MYO6: variants seen among roughly 807,000 people sequenced by gnomAD.
The protein encoded by MYO6 is unconventional myosin-VI.
In MYO6, 74 loss-of-function variants were observed where a neutral mutation model predicts 178.7. The observed-to-expected ratio is 0.41, with a 90% CI of 0.34 to 0.50. The LOEUF (loss-of-function observed/expected upper bound fraction) is 0.50. Among genes scored for constraint, MYO6 ranks in the 20% least tolerant of loss-of-function variants. The pLI, the probability that MYO6 is intolerant of heterozygous loss-of-function variation, is 0.09. For synonymous variants in MYO6, 477 were observed against 504.6 expected (o/e 0.95, Z 0.73); for missense variants, 1,330 against 1,547.4 (o/e 0.86, Z 2.36).
In MYO6 at chr6:75,862,638, A is replaced by T. The variant is rs373929865; in HGVS notation, c.1589A>T (p.Asp530Val). Residue 530 changes from aspartate (D) to valine (V), a missense_variant, in exon 16 of 35, where the codon GAT (aspartate) becomes GTT (valine). Coordinates refer to ENST00000369977, the MANE Select transcript of MYO6 (RefSeq NM_004999.4). ...TTAGTGGGAATACTGGATATTTTGG[A>T]TGAAGAAAATCGCCTTCCCCAGCCA... ...AKLVGILDIL[D>V]EENRLPQPSD... 151 of 1,613,812 alleles carry T rather than the reference A, an allele frequency of 9.4e-5. No individual in the cohort carries two copies. Among genetic ancestry groups the T allele is most frequent in the Non-Finnish European group, 1.1e-4 (133 of 1,179,850 alleles).
At chr6:75,854,270 CATTGCTT>C (rs1775539625) in intron 11 of MYO6, among the ~76,000 whole-genome samples, 1 of 114,076 alleles carries the variant, frequency 8.8e-6, no homozygotes, top group African/African-American at 3.6e-5. Flanking sequence ...GACCTAACTG[CATTGCTT>C]TTTTTTTTTT....
intron 2 of MYO6, among the ~76,000 whole-genome samples, chr6:75,819,623 A>C (rs1771673720): frequency 6.6e-6 from 1 of 152,214 alleles, no homozygotes; most frequent in South Asian, 2.1e-4. Flanking sequence ...ATTTATAAGA[A>C]ATAAATTTTA....
chr6:75,784,990 C>T (rs1311817650), intron 1 of MYO6, among the ~76,000 whole-genome samples: 2 of 152,102 alleles, frequency 1.3e-5, no homozygotes, highest in African/African-American at 4.8e-5. Flanking sequence ...ATTCAGTGCA[C>T]ACTTTCATTT....
At chr6:75,816,402 A>G (rs1226049906) in intron 1 of MYO6, among the ~76,000 whole-genome samples, 2 of 152,176 alleles carry the variant, frequency 1.3e-5, no homozygotes, top group African/African-American at 4.8e-5. Context: ...GTCACCCAGA[A>G]TGGATTGCAG....
intron 1 of MYO6, among the ~76,000 whole-genome samples, chr6:75,753,010 T>A (rs1436625596): frequency 6.6e-6 from 1 of 152,192 alleles, no homozygotes; most frequent in Non-Finnish European, 1.5e-5. Context: ...TAGATTATGA[T>A]TAAATTGTCA....
Position 75,886,125 on chromosome 6 carries a change from A to C in MYO6, c.2507+31A>C, listed in dbSNP as rs774886844. On this transcript the variant is annotated intron_variant, in intron 24 of 34. Transcript: ENST00000369977. ...ATGAATAGTTCCTAAAAAGAACTCT[A>C]CAAAACCTAGTTACTGTAATACAAA... 11 of 1,424,038 alleles carry C rather than the reference A, an allele frequency of 7.7e-6. No homozygotes were observed. The East Asian group carries it at 2.3e-4, about 30-fold the overall frequency. The allele number at this position is 1,424,038 out of a possible 1,614,324, so 88.2% of individuals were successfully genotyped here.
intron 11 of MYO6, among the ~76,000 whole-genome samples, chr6:75,853,801 G>T (rs1775497217): frequency 6.6e-6 from 1 of 152,002 alleles, no homozygotes; most frequent in African/African-American, 2.4e-5. Context: ...TTTGTAAAAT[G>T]CTATTTTTTA....
intron 1 of MYO6, among the ~76,000 whole-genome samples, chr6:75,801,327 C>T (rs904339832): frequency 3.3e-5 from 5 of 149,680 alleles, no homozygotes; most frequent in East Asian, 4.0e-4. Flanking sequence ...AAGAGAGGGA[C>T]GAGAGGAGAG....
At chr6:75,891,127 AATC>A (rs1778871233) in intron 26 of MYO6, 98 bp from the exon 27 acceptor site, 3 of 756,600 alleles carry the variant, frequency 4.0e-6, no homozygotes, top group Non-Finnish European at 6.5e-6. Flanking sequence ...TTGCATTCCC[AATC>A]TGTTACCTTT....
intron 1 of MYO6, among the ~76,000 whole-genome samples, chr6:75,799,666 G>A (rs986527068): frequency 6.6e-6 from 1 of 152,086 alleles, no homozygotes. Flanking sequence ...GTAGCCTAGA[G>A]TTTGAACCTT....
At chr6:75,912,253 C>T (rs1780812162) in intron 33 of MYO6, among the ~76,000 whole-genome samples, 1 of 151,950 alleles carries the variant, frequency 6.6e-6, no homozygotes. Context: ...CCTTAGTGCA[C>T]AGTAAATCTC....
rs564898525 is a variant in MYO6 at position 75,846,189 on chromosome 6, T to A, written c.897+1212T>A. On this transcript the variant is annotated intron_variant, in intron 10 of 34. Transcript: ENST00000369977. ...AACCCTTATAAATTTTAATATGCAG[T>A]GTTTAATAAGTGATATTAAGTTACA... Among the ~76,000 whole-genome samples, 38 of 152,070 alleles carry A rather than the reference T, an allele frequency of 2.5e-4. No homozygotes were observed. In the East Asian group the frequency reaches 6.4e-3, roughly 25 times the overall value.
chr6:75,802,802 C>A (rs889928574), intron 1 of MYO6, among the ~76,000 whole-genome samples: 7 of 152,074 alleles, frequency 4.6e-5, no homozygotes, highest in Admixed American at 4.6e-4. Context: ...ATCTCTTAAA[C>A]CTAGCACAAA....
At chr6:75,895,292 A>C (rs1779208821) in intron 29 of MYO6, 32 bp downstream of exon 29, 1 of 1,563,470 alleles carries the variant, frequency 6.4e-7, no homozygotes, top group Non-Finnish European at 8.8e-7. Flanking sequence ...TTTTAAAAAT[A>C]GGTTGTAGAT....
At chr6:75,884,313 A>G (rs1447795359) in intron 23 of MYO6, among the ~76,000 whole-genome samples, 4 of 152,230 alleles carry the variant, frequency 2.6e-5, no homozygotes, top group Non-Finnish European at 5.9e-5. Context: ...GAACCTCCAT[A>G]CAGAAGTATA....
intron 1 of MYO6, among the ~76,000 whole-genome samples, chr6:75,793,900 C>T (rs1478363150): frequency 6.6e-6 from 1 of 152,166 alleles, no homozygotes; most frequent in Non-Finnish European, 1.5e-5. Context: ...AGTCATAGGT[C>T]TCCATGTACT....
rs3057486 is a variant in MYO6 at position 75,761,592 on chromosome 6, A to AACACACACACAC, written c.-48+12193_-48+12204dup. 2.5e-3 allele frequency among the ~76,000 whole-genome samples: 361 copies of AACACACACACAC among 143,042 alleles called. 3 individuals are homozygous for AACACACACACAC. Among genetic ancestry groups the AACACACACACAC allele is most frequent in the African/African-American group, 5.9e-3 (226 of 38,614 alleles). The allele number at this position is 143,042 out of a possible 152,430, so 93.8% of individuals were successfully genotyped here. ...AGTATGTTAGAAAATGGGCTGTTAG[A>AACACACACACAC]ACACACACACACACACACACACACA... On this transcript the variant is annotated intron_variant, in intron 1 of 34. Transcript: ENST00000369977.
intron 1 of MYO6, among the ~76,000 whole-genome samples, chr6:75,766,906 A>C (rs1266116823): frequency 2.6e-5 from 4 of 152,200 alleles, no homozygotes; most frequent in African/African-American, 9.6e-5. Context: ...CAATAATTTG[A>C]AAATTTGAAA....
chr6:75,863,516 G>C (rs577826775), intron 16 of MYO6, among the ~76,000 whole-genome samples: 2 of 151,414 alleles, frequency 1.3e-5, no homozygotes, highest in Admixed American at 6.6e-5. Flanking sequence ...ACAGAGTTTC[G>C]CTATTGTCAC....
Sources: allele counts gnomAD v4.1 joint callset (sites outside exome capture counted in the v4.1 genomes callset), GRCh38; gene constraint gnomAD v4.1.1; transcripts MANE v1.5; gene names NCBI Gene and HGNC (gene_info 2026-07-23, HGNC 2026-07-21).